The following SLC35A3 variants were observed in gnomAD, a reference collection of about 807,000 sequenced individuals.
The protein encoded by SLC35A3 is UDP-N-acetylglucosamine transporter.
Under a neutral mutation model 39.0 loss-of-function variants are expected in SLC35A3, and 26 were observed. That is an observed-to-expected ratio of 0.67 (90% confidence interval 0.49 to 0.92). The LOEUF is 0.92. Ranked by LOEUF, SLC35A3 falls within the 40% of genes least tolerant of loss-of-function variation. SLC35A3 has a pLI of 0.00. For missense variants in SLC35A3, 299 were observed against 371.6 expected (o/e 0.80, Z 1.61); for synonymous variants, 135 against 133.1 (o/e 1.01, Z -0.10).
At chr1:99,987,372 ATAT>A (rs1657807871) in intron 1 of SLC35A3, among the ~76,000 whole-genome samples, 2 of 152,220 alleles carry the variant, frequency 1.3e-5, no homozygotes, top group Admixed American at 1.3e-4. Context: ...TAACAGAGAT[ATAT>A]TATTCAATTT....
chr1:99,974,745 TC>T (rs1657016464), intron 1 of SLC35A3, among the ~76,000 whole-genome samples: 1 of 152,180 alleles, frequency 6.6e-6, no homozygotes, highest in Non-Finnish European at 1.5e-5. Flanking sequence ...TCTCAGAACC[TC>T]TGTTTCTTAA....
At chr1:100,016,801 TTCCAG>T (rs1660171605) in intron 6 of SLC35A3, among the ~76,000 whole-genome samples, 1 of 152,208 alleles carries the variant, frequency 6.6e-6, no homozygotes. Flanking sequence ...ATGTATCTTA[TTCCAG>T]CAAAGAGAAG....
In SLC35A3 at chr1:100,023,228, T is replaced by G. The variant is rs1262429892; in HGVS notation, c.*752T>G. The G allele has an allele frequency of 6.6e-6, 1 of 152,202 alleles. No individual in the cohort carries two copies. Among genetic ancestry groups the G allele is most frequent in the African/African-American group, 2.4e-5 (1 of 41,466 alleles). 9.4% of individuals were successfully genotyped at this position (152,202 alleles called of 1,614,324 possible). A position where few individuals can be genotyped will look rare whatever the true frequency, so the allele number is the denominator to read the frequency against. ...GTAATGGAGGTTAGCCCTTAATCTC[T>G]TCATTGCATTTCATTTCTGTAAATC... is the stretch of plus-strand genomic sequence containing the variant. On this transcript the variant is annotated 3_prime_UTR_variant, in exon 8 of 8. Coordinates refer to ENST00000533028, the MANE Select transcript of SLC35A3 (RefSeq NM_012243.3).
intron 2 of SLC35A3, among the ~76,000 whole-genome samples, 172 bp downstream of exon 2, chr1:99,993,913 A>T (rs1381979080): frequency 6.6e-6 from 1 of 152,086 alleles, no homozygotes; most frequent in Non-Finnish European, 1.5e-5. Flanking sequence ...AAGCCATTTT[A>T]ATCTGTATCA....
At position 99,999,246 on chromosome 1, in the gene SLC35A3, C is replaced by T; in HGVS notation, c.188-15C>T. On this transcript the variant is annotated splice_polypyrimidine_tract_variant and intron_variant, in intron 2 of 7. Coordinates refer to ENST00000533028, the MANE Select transcript of SLC35A3 (RefSeq NM_012243.3). Reference sequence around the variant, plus strand: ...GAGTTACTTAATTACTGATTTTTCTCATATTATTTTCTAGAATGTAGTCTA... The same window carrying T: ...GAGTTACTTAATTACTGATTTTTCTTATATTATTTTCTAGAATGTAGTCTA... 1.4e-6 allele frequency: 2 copies of T among 1,467,674 alleles called. No individual in the cohort carries two copies. Among genetic ancestry groups the T allele is most frequent in the Non-Finnish European group, 1.8e-6 (2 of 1,096,890 alleles). 90.9% of individuals were successfully genotyped at this position (1,467,674 alleles called of 1,614,324 possible).
intron 1 of SLC35A3, among the ~76,000 whole-genome samples, chr1:99,981,775 C>T (rs1160630199): frequency 6.6e-6 from 1 of 152,050 alleles, no homozygotes; most frequent in Non-Finnish European, 1.5e-5. Flanking sequence ...GCCACTGCAC[C>T]CAGCCTGTGT....
chr1:99,977,543 AGAAGGAAGGAG>A (rs1657185554), intron 1 of SLC35A3, among the ~76,000 whole-genome samples: 1 of 133,850 alleles, frequency 7.5e-6, no homozygotes, highest in South Asian at 2.8e-4. Context: ...ATTCCATCTC[AGAAGGAAGGAG>A]GAAGGGAGGA....
At chr1:99,974,890 GTACAGTTAT>G (rs1657023598) in intron 1 of SLC35A3, 1 of 151,880 alleles carries the variant, frequency 6.6e-6, no homozygotes, top group Non-Finnish European at 1.5e-5. Flanking sequence ...CTCTCATGAA[GTACAGTTAT>G]TACAGTTATT....
Position 100,024,550 on chromosome 1 carries a change from CA to C in SLC35A3, c.*2088del, listed in dbSNP as rs1226959132. On this transcript the variant is annotated 3_prime_UTR_variant, in exon 8 of 8. Transcript: ENST00000533028. ...TGGGTGACAGAGCGAGACTCCGTCTCAAAAAAAAAAAAAAGAAAACACACAC... is the reference window on the plus strand; with the variant it reads ...TGGGTGACAGAGCGAGACTCCGTCTCAAAAAAAAAAAAAGAAAACACACAC... 8.1e-3 allele frequency: 721 copies of C among 88,486 alleles called. No individual in the cohort carries two copies. The highest frequency in any genetic ancestry group is 0.016 in the Middle Eastern group (3 of 182). The allele number at this position is 88,486 out of a possible 1,614,324, so 5.5% of individuals were successfully genotyped here. A position where few individuals can be genotyped will look rare whatever the true frequency, so the allele number is the denominator to read the frequency against.
intron 3 of SLC35A3, among the ~76,000 whole-genome samples, chr1:100,001,602 A>G (rs949655760): frequency 8.6e-5 from 13 of 151,998 alleles, no homozygotes; most frequent in African/African-American, 2.7e-4. Flanking sequence ...TTTTTAATGG[A>G]ATCTTTAGGG....
intron 1 of SLC35A3, among the ~76,000 whole-genome samples, chr1:99,978,467 C>G (rs1385627410): frequency 6.6e-6 from 1 of 152,144 alleles, no homozygotes; most frequent in Non-Finnish European, 1.5e-5. Context: ...GTAGAGGCAG[C>G]AGTGAGCCGT....
At chr1:99,988,630 C>T (rs1475418759) in intron 1 of SLC35A3, among the ~76,000 whole-genome samples, 1 of 148,022 alleles carries the variant, frequency 6.8e-6, no homozygotes. Context: ...CTCCCCTCCC[C>T]TCCTCTTCCC....
chr1:100,006,066 G>C (rs1463095543), intron 3 of SLC35A3, among the ~76,000 whole-genome samples: 1 of 152,160 alleles, frequency 6.6e-6, no homozygotes, highest in African/African-American at 2.4e-5. Context: ...GATCCTGGGT[G>C]GGTGCAGTAA....
Position 100,023,790 on chromosome 1 carries a change from C to G in SLC35A3, c.*1314C>G, listed in dbSNP as rs1660708252. On this transcript the variant is annotated 3_prime_UTR_variant, in exon 8 of 8. Coordinates refer to ENST00000533028, the MANE Select transcript of SLC35A3 (RefSeq NM_012243.3). ...TTGGGAGGCTGAGGCAGGTGGATCA[C>G]AAGGTCAAGAGATTGAGACTATCCT... The G allele has an allele frequency of 6.6e-6, 1 of 152,242 alleles. No individual in the cohort carries two copies. Among genetic ancestry groups the G allele is most frequent in the Non-Finnish European group, 1.5e-5 (1 of 68,098 alleles). The allele number at this position is 152,242 out of a possible 1,614,324, so 9.4% of individuals were successfully genotyped here. A position where few individuals can be genotyped will look rare whatever the true frequency, so the allele number is the denominator to read the frequency against.
At chr1:99,990,285 C>T (rs146830632) in intron 1 of SLC35A3, among the ~76,000 whole-genome samples, 3 of 151,870 alleles carry the variant, frequency 2.0e-5, no homozygotes, top group East Asian at 1.9e-4. Context: ...TTAAAAAATA[C>T]GTATATCTGG....
chr1:100,005,678 A>T (rs139457475), intron 3 of SLC35A3, among the ~76,000 whole-genome samples: 15 of 152,130 alleles, frequency 9.9e-5, no homozygotes, highest in African/African-American at 3.6e-4. Context: ...CTTTAGTTCT[A>T]TGATTTTTGT....
In SLC35A3 at chr1:100,032,719, G is replaced by A. The variant is rs1052220694; in HGVS notation, c.*10243G>A. 2 of 152,212 alleles carry A rather than the reference G, an allele frequency of 1.3e-5. No individual in the cohort carries two copies. Among genetic ancestry groups the A allele is most frequent in the Non-Finnish European group, 2.9e-5 (2 of 68,074 alleles). The allele number at this position is 152,212 out of a possible 1,614,324, so 9.4% of individuals were successfully genotyped here. A position where few individuals can be genotyped will look rare whatever the true frequency, so the allele number is the denominator to read the frequency against. On this transcript the variant is annotated 3_prime_UTR_variant, in exon 8 of 8. Coordinates refer to ENST00000533028, the MANE Select transcript of SLC35A3 (RefSeq NM_012243.3). ...TGCCACCGCGCCTGGCTAATTTTTT[G>A]TATTTTTAGTAGAGATGGGGTTTCA...
In SLC35A3 at chr1:100,027,334, G is replaced by A. The variant is rs1025291103; in HGVS notation, c.*4858G>A. ...CAATATGTGGGCATGCACCTGTGGG[G>A]CCAGCTACTCAGGAGGCTGAGGCAG... On this transcript the variant is annotated 3_prime_UTR_variant, in exon 8 of 8. Coordinates refer to ENST00000533028, the MANE Select transcript of SLC35A3 (RefSeq NM_012243.3). 5 of 391,310 alleles carry A rather than the reference G, an allele frequency of 1.3e-5. No individual in the cohort carries two copies. The highest frequency in any genetic ancestry group is 4.4e-5 in the Admixed American group (1 of 22,494). The allele number at this position is 391,310 out of a possible 1,614,324, so 24.2% of individuals were successfully genotyped here.
Position 99,999,246 on chromosome 1 carries a change from C to A in SLC35A3, c.188-15C>A. The A allele has an allele frequency of 6.8e-7, 1 of 1,467,674 alleles. No individual in the cohort carries two copies. Among genetic ancestry groups the A allele is most frequent in the South Asian group, 1.4e-5 (1 of 70,592 alleles). 90.9% of individuals were successfully genotyped at this position (1,467,674 alleles called of 1,614,324 possible). On this transcript the variant is annotated splice_polypyrimidine_tract_variant and intron_variant, in intron 2 of 7. Transcript: ENST00000533028. Reference sequence around the variant, plus strand: ...GAGTTACTTAATTACTGATTTTTCTCATATTATTTTCTAGAATGTAGTCTA... The same window carrying A: ...GAGTTACTTAATTACTGATTTTTCTAATATTATTTTCTAGAATGTAGTCTA...
Sources: gnomAD v4.1 joint callset for allele counts (sites outside exome capture counted in the v4.1 genomes callset) on GRCh38, gnomAD v4.1.1 for gene constraint, MANE v1.5 for transcripts, NCBI Gene and HGNC (gene_info 2026-07-23, HGNC 2026-07-21) for gene names.